The following ACTR3 variants were observed in gnomAD, a reference collection of about 807,000 sequenced individuals.
ACTR3 encodes the protein actin-related protein 3.
In ACTR3, 12 loss-of-function variants were observed where a neutral mutation model predicts 56.8. The ratio of observed to expected loss-of-function variants is 0.21; its 90% confidence interval spans 0.14 to 0.34. ACTR3 has a LOEUF of 0.34. Ranked by LOEUF, ACTR3 falls within the 10% of genes least tolerant of loss-of-function variation. The pLI is 1.00. For missense variants in ACTR3, 282 were observed against 512.5 expected, an observed-to-expected ratio of 0.55 and a Z score of 4.34; for synonymous variants, 162 against 167.4, an observed-to-expected ratio of 0.97 and a Z score of 0.25.
At chr2:113,925,351 A>G (rs1362139828) in intron 3 of ACTR3, among the ~76,000 whole-genome samples, 2 of 151,288 alleles carry the variant, frequency 1.3e-5, no homozygotes, top group African/African-American at 4.9e-5. Context: ...ATGCACCACC[A>G]CGCCTGGCTA....
chr2:113,908,343 AGAGT>A (rs1679241579), intron 1 of ACTR3, among the ~76,000 whole-genome samples: 1 of 150,778 alleles, frequency 6.6e-6, no homozygotes, highest in Non-Finnish European at 1.5e-5. Flanking sequence ...TCGAATTTTT[AGAGT>A]TCATAAAAAT....
chr2:113,908,319 C>CT (rs1260090616), intron 1 of ACTR3, among the ~76,000 whole-genome samples: 2 of 148,088 alleles, frequency 1.4e-5, no homozygotes, highest in African/African-American at 5.0e-5. Context: ...AAAATTTCTT[C>CT]TTTATGGTGA....
At chr2:113,895,513 G>C (rs1259516024) in intron 1 of ACTR3, among the ~76,000 whole-genome samples, 2 of 152,162 alleles carry the variant, frequency 1.3e-5, no homozygotes. Flanking sequence ...CAGTGACTCA[G>C]AATCTCAAGG....
At chr2:113,919,625 G>A (rs1679469130) in intron 3 of ACTR3, among the ~76,000 whole-genome samples, 1 of 152,168 alleles carries the variant, frequency 6.6e-6, no homozygotes, top group Non-Finnish European at 1.5e-5. Flanking sequence ...AGGGCGTGAT[G>A]AATGGGATAT....
intron 3 of ACTR3, among the ~76,000 whole-genome samples, chr2:113,922,977 G>A (rs1033749072): frequency 9.8e-5 from 15 of 152,292 alleles, no homozygotes; most frequent in Middle Eastern, 6.8e-3. Flanking sequence ...CTATACTGTG[G>A]CCAAAATGGA....
chr2:113,961,949 G>C lies in ACTR3; in HGVS notation c.*4494G>C, dbSNP rs912466999. 6.6e-6 allele frequency: 1 copy of C among 151,886 alleles called. No individual in the cohort carries two copies. The allele number at this position is 151,886 out of a possible 1,614,324, so 9.4% of individuals were successfully genotyped here. On this transcript the variant is annotated 3_prime_UTR_variant, in exon 12 of 12. Coordinates refer to ENST00000263238, the MANE Select transcript of ACTR3 (RefSeq NM_005721.5). ...ATCCAACAACAGATGAAAGTAATTC[G>C]ACAGTAGCATCTGCTTTATTCATTT...
At chr2:113,939,904 A>C in intron 6 of ACTR3, 55 bp from the exon 7 acceptor site, 1 of 1,510,294 alleles carries the variant, frequency 6.6e-7, no homozygotes, top group Non-Finnish European at 9.0e-7. Context: ...TTTTTGGGTT[A>C]TATTAATTTT....
At chr2:113,952,809 T>C (rs1021433850) in intron 10 of ACTR3, 25 of 152,218 alleles carry the variant, frequency 1.6e-4, no homozygotes, top group African/African-American at 6.0e-4. Flanking sequence ...TAAAATGTTG[T>C]GTTTGCTTTT....
At chr2:113,907,863 T>G (rs1424472639) in intron 1 of ACTR3, among the ~76,000 whole-genome samples, 1 of 150,960 alleles carries the variant, frequency 6.6e-6, no homozygotes, top group African/African-American at 2.4e-5. Flanking sequence ...TCCCAGCTAC[T>G]TGGGAGGCTA....
rs1467888790 is a variant in ACTR3, at chr2:113,960,165, T to C, written c.*2710T>C. On this transcript the variant is annotated 3_prime_UTR_variant, in exon 12 of 12. Transcript: ENST00000263238. ...AGTGCTTTGATCAAGTGGGAAATAG[T>C]AATGGACAAATAAAATCAATGATCA... 6.6e-6 allele frequency: 1 copy of C among 152,016 alleles called. No homozygotes were observed. The highest frequency in any genetic ancestry group is 2.4e-5 in the African/African-American group (1 of 41,440). 9.4% of individuals were successfully genotyped at this position (152,016 alleles called of 1,614,324 possible).
chr2:113,958,463 C>A lies in ACTR3; in HGVS notation c.*1008C>A, dbSNP rs896647201. On this transcript the variant is annotated 3_prime_UTR_variant, in exon 12 of 12. Coordinates refer to ENST00000263238, the MANE Select transcript of ACTR3 (RefSeq NM_005721.5). ...ATTTGATATTTTCATTTGTATAACTCATTTGCAGTCTGAAAATTTTTTTTA... is the reference window on the plus strand; with the variant it reads ...ATTTGATATTTTCATTTGTATAACTAATTTGCAGTCTGAAAATTTTTTTTA... 1 of 152,588 alleles carries A rather than the reference C, an allele frequency of 6.6e-6. No homozygotes were observed. The highest frequency in any genetic ancestry group is 2.4e-5 in the African/African-American group (1 of 41,546). The allele number at this position is 152,588 out of a possible 1,614,324, so 9.5% of individuals were successfully genotyped here.
intron 1 of ACTR3, among the ~76,000 whole-genome samples, chr2:113,909,767 A>G (rs989096477): frequency 2.0e-5 from 3 of 152,130 alleles, no homozygotes; most frequent in Non-Finnish European, 4.4e-5. Flanking sequence ...GCAGATGCTT[A>G]TAAAAATTGG....
At chr2:113,944,497 T>C (rs975612426) in intron 8 of ACTR3, among the ~76,000 whole-genome samples, 2 of 143,262 alleles carry the variant, frequency 1.4e-5, no homozygotes, top group African/African-American at 5.2e-5. Flanking sequence ...GAGAAGGGAC[T>C]GGACTAAAAT....
intron 6 of ACTR3, among the ~76,000 whole-genome samples, chr2:113,936,338 G>C (rs79209346): frequency 2.0e-5 from 3 of 150,030 alleles, no homozygotes; most frequent in African/African-American, 7.3e-5. Context: ...TGGTGGGGGG[G>C]TGCTATTCCT....
At chr2:113,890,708 C>G (rs1186613696) in intron 1 of ACTR3, 1 of 1,099,200 alleles carries the variant, frequency 9.1e-7, no homozygotes, top group African/African-American at 1.6e-5. Context: ...TTTTGCCAGT[C>G]GGTTTGGGGA....
At position 113,955,803 on chromosome 2, in the gene ACTR3, A is replaced by G. The variant is rs1333626132; in HGVS notation, c.1161+97A>G. ...GCTCTTGTCACCCAGGCTGGAGTGC[A>G]ATGGCATGATCTTGGCTCACTGCAA... On this transcript the variant is annotated intron_variant, in intron 11 of 11. Transcript: ENST00000263238. The G allele has an allele frequency of 1.0e-5, 10 of 953,196 alleles. No individual in the cohort carries two copies. In the South Asian group the frequency reaches 1.6e-4, roughly 15 times the overall value. 59.0% of individuals were successfully genotyped at this position (953,196 alleles called of 1,614,324 possible). A position where few individuals can be genotyped will look rare whatever the true frequency, so the allele number is the denominator to read the frequency against.
At chr2:113,926,704 G>T (rs1679626598) in intron 3 of ACTR3, among the ~76,000 whole-genome samples, 2 of 152,156 alleles carry the variant, frequency 1.3e-5, no homozygotes, top group Admixed American at 1.3e-4. Context: ...TTCCTCTAAT[G>T]ACCTGATGAC....
intron 10 of ACTR3, chr2:113,952,600 C>G (rs919029299): frequency 6.6e-6 from 1 of 152,074 alleles, no homozygotes; most frequent in African/African-American, 2.4e-5. Flanking sequence ...AAGTAAAGCA[C>G]AGCACTCTAG....
chr2:113,890,177 C>G lies in ACTR3; in HGVS notation c.-103C>G. 6.8e-7 allele frequency: 1 copy of G among 1,474,370 alleles called. No homozygotes were observed. The highest frequency in any genetic ancestry group is 9.3e-7 in the Non-Finnish European group (1 of 1,078,688). 91.3% of individuals were successfully genotyped at this position (1,474,370 alleles called of 1,614,324 possible). A position where few individuals can be genotyped will look rare whatever the true frequency, so the allele number is the denominator to read the frequency against. The stretch of plus-strand genomic sequence containing the variant: ...CTACCCCCCGGACGGTGAAGGCGGC[C>G]CAGCTGTGGATGGTCAGATAGCCCT... On this transcript the variant is annotated 5_prime_UTR_variant, in exon 1 of 12. Coordinates refer to ENST00000263238, the MANE Select transcript of ACTR3 (RefSeq NM_005721.5).
Sources: gnomAD v4.1 joint callset for allele counts (sites outside exome capture counted in the v4.1 genomes callset) on GRCh38, gnomAD v4.1.1 for gene constraint, MANE v1.5 for transcripts, NCBI Gene and HGNC (gene_info 2026-07-23, HGNC 2026-07-21) for gene names.